Variants in DNAH11 observed in about 807,000 individuals in gnomAD.
DNAH11 encodes dynein axonemal heavy chain 11, also known as axonemal beta dynein heavy chain 11.
In DNAH11, 442 loss-of-function variants were observed where a neutral mutation model predicts 526.0. The ratio of observed to expected loss-of-function variants is 0.84; its 90% CI spans 0.78 to 0.91. The LOEUF (loss-of-function observed/expected upper bound fraction) is 0.91. Among genes scored for constraint, DNAH11 ranks in the 40% least tolerant of loss-of-function variants. DNAH11 has a pLI of 0.00. For synonymous variants in DNAH11, 2,461 were observed against 1,935.9 expected (o/e 1.27, Z -7.12); for missense variants, 6,989 against 5,448.7 (o/e 1.28, Z -8.90).
In DNAH11 at chr7:21,861,885, G is replaced by A; in HGVS notation, c.11235G>A (p.Glu3745=). 6.2e-7 allele frequency: 1 copy of A among 1,613,378 alleles called. No homozygotes were observed. The highest frequency in any genetic ancestry group is 1.3e-5 in the African/African-American group (1 of 75,006). Residue 3745 remains glutamate, a synonymous_variant, in exon 69 of 82, where the codon GAG becomes GAA. Coordinates refer to ENST00000409508, the MANE Select transcript of DNAH11 (RefSeq NM_001277115.2). ...AFNVLFHRAI[E]QADKVEDMQG... ...ACGTGCTGTTCCACAGAGCGATCGA[G>A]CAGGCTGACAAGGTGGAAGACATGC... is the stretch of plus-strand genomic sequence containing the variant.
chr7:21,829,579 G>A (rs1180951158), intron 65 of DNAH11, among the ~76,000 whole-genome samples: 3 of 152,114 alleles, frequency 2.0e-5, no homozygotes, highest in African/African-American at 7.2e-5. Flanking sequence ...GTTTTAGATG[G>A]CAATGGAAAA....
chr7:21,822,395 A>G (rs62447216), intron 65 of DNAH11, among the ~76,000 whole-genome samples: 3,028 of 152,206 alleles, frequency 0.02, 43 homozygotes, highest in Non-Finnish European at 0.03. Flanking sequence ...GGGAGGGAGG[A>G]CACCAAGCCA....
intron 55 of DNAH11, among the ~76,000 whole-genome samples, chr7:21,768,227 C>T (rs1273943865): frequency 1.3e-5 from 2 of 152,072 alleles, no homozygotes; most frequent in African/African-American, 2.4e-5. Context: ...GAAGGAAAAG[C>T]CATCTGGGTA....
intron 44 of DNAH11, among the ~76,000 whole-genome samples, chr7:21,721,231 G>A (rs995220777): frequency 2.0e-4 from 30 of 152,120 alleles, no homozygotes; most frequent in African/African-American, 6.5e-4. Flanking sequence ...CTTTTGCTCA[G>A]TGGTACATTC....
intron 35 of DNAH11, among the ~76,000 whole-genome samples, chr7:21,696,301 T>C (rs928263334): frequency 5.9e-5 from 9 of 152,214 alleles, no homozygotes; most frequent in African/African-American, 1.7e-4. Context: ...ACTGTTCTTA[T>C]TAAATTTAAT....
chr7:21,613,369 A>G (rs958573118), intron 20 of DNAH11, among the ~76,000 whole-genome samples: 8 of 152,186 alleles, frequency 5.3e-5, no homozygotes, highest in Non-Finnish European at 1.0e-4. Flanking sequence ...GGATGAAATT[A>G]AGAAAAGGCA....
chr7:21,852,844 T>A (rs572308987), intron 67 of DNAH11, among the ~76,000 whole-genome samples: 103 of 152,306 alleles, frequency 6.8e-4, no homozygotes, highest in African/African-American at 2.2e-3. Flanking sequence ...GAGATGTCAT[T>A]CAAATTAGAC....
At chr7:21,693,676 G>T (rs932607344) in intron 35 of DNAH11, among the ~76,000 whole-genome samples, 2 of 151,774 alleles carry the variant, frequency 1.3e-5, no homozygotes, top group African/African-American at 4.8e-5. Flanking sequence ...TTTTTTTATT[G>T]ATTTGATTTT....
intron 63 of DNAH11, among the ~76,000 whole-genome samples, chr7:21,811,891 A>G (rs1789537531): frequency 6.6e-6 from 1 of 152,196 alleles, no homozygotes; most frequent in African/African-American, 2.4e-5. Context: ...AAATAATTTC[A>G]GATTGTTACA....
In DNAH11 at chr7:21,873,135, T is replaced by G. The variant is rs962482355; in HGVS notation, c.11968-139T>G. ...ATTGATGTATTGATAAAGGAAAATT[T>G]TTATGATGTATTGATAAAGGAAAAT... is the stretch of plus-strand genomic sequence containing the variant. On this transcript the variant is annotated intron_variant, in intron 73 of 81. Transcript: ENST00000409508. 8.6e-5 allele frequency: 67 copies of G among 775,826 alleles called. 1 individual carries two copies. In the East Asian group the frequency reaches 1.2e-3, roughly 14 times the overall value. 48.1% of individuals were successfully genotyped at this position (775,826 alleles called of 1,614,324 possible). A position where few individuals can be genotyped will look rare whatever the true frequency, so the allele number is the denominator to read the frequency against.
intron 29 of DNAH11, among the ~76,000 whole-genome samples, chr7:21,656,682 A>C (rs1322297795): frequency 1.3e-5 from 2 of 152,138 alleles, no homozygotes; most frequent in Non-Finnish European, 2.9e-5. Flanking sequence ...TAACTGATGG[A>C]ATAGTGTCTA....
At chr7:21,761,035 T>C (rs897908218) in intron 54 of DNAH11, among the ~76,000 whole-genome samples, 15 of 152,246 alleles carry the variant, frequency 9.9e-5, no homozygotes, top group Admixed American at 1.3e-4. Flanking sequence ...GAATGATTTT[T>C]CCCTCACAGT....
chr7:21,639,039 C>A lies in DNAH11; in HGVS notation c.4918C>A (p.Leu1640Ile). The change falls in exon 28 of 82, where the codon CTC (leucine) becomes ATC (isoleucine). Residue 1640 changes from leucine (L) to isoleucine (I), a missense_variant. By Grantham distance (5) the Leu-to-Ile change is conservative. Coordinates refer to ENST00000409508, the MANE Select transcript of DNAH11 (RefSeq NM_001277115.2). Reference sequence around the variant, plus strand: ...CTCTTCTGCTGATTTACTTGACATTCTCTCAAAAGGAGCTCAGCCTAAACA... The same window carrying A: ...CTCTTCTGCTGATTTACTTGACATTATCTCAAAAGGAGCTCAGCCTAAACA... ...FVSSADLLDI[L>I]SKGAQPKQVT... The A allele has an allele frequency of 6.2e-7, 1 of 1,613,584 alleles. No homozygotes were observed. The highest frequency in any genetic ancestry group is 8.5e-7 in the Non-Finnish European group (1 of 1,179,672).
Position 21,606,632 on chromosome 7 carries a change from T to TTTTTCAA in DNAH11, c.3766-12_3766-11insTCAATTT. The stretch of plus-strand genomic sequence containing the variant: ...GAAATTCACTTTTTTTTTTTTTTTT[T>TTTTTCAA]TTTGCAATGATCAGGCAAAGCAGGC... On this transcript the variant is annotated splice_polypyrimidine_tract_variant and intron_variant, in intron 19 of 81. Transcript: ENST00000409508. 1.3e-6 allele frequency: 2 copies of TTTTTCAA among 1,536,288 alleles called. No homozygotes were observed. Among genetic ancestry groups the TTTTTCAA allele is most frequent in the Non-Finnish European group, 1.7e-6 (2 of 1,148,934 alleles).
intron 38 of DNAH11, among the ~76,000 whole-genome samples, chr7:21,704,881 A>G (rs993673671): frequency 1.3e-5 from 2 of 152,234 alleles, no homozygotes; most frequent in African/African-American, 4.8e-5. Context: ...ATTAGGTTAC[A>G]AAACTTGTTG....
At chr7:21,601,965 T>A (rs988802992) in intron 18 of DNAH11, among the ~76,000 whole-genome samples, 1 of 152,082 alleles carries the variant, frequency 6.6e-6, no homozygotes, top group Admixed American at 6.5e-5. Context: ...AATATATCCA[T>A]ACTTTTTTTT....
intron 63 of DNAH11, among the ~76,000 whole-genome samples, chr7:21,812,887 G>A (rs1280838183): frequency 6.6e-6 from 1 of 152,172 alleles, no homozygotes; most frequent in African/African-American, 2.4e-5. Flanking sequence ...CATAAGTCCA[G>A]TATCCAGCCT....
chr7:21,813,956 T>A (rs1366382518), intron 63 of DNAH11, among the ~76,000 whole-genome samples: 1 of 152,214 alleles, frequency 6.6e-6, no homozygotes. Context: ...GGGGATATGT[T>A]CTGAGAAATG....
At chr7:21,854,540 A>C in intron 68 of DNAH11, 85 bp downstream of exon 68, 2 of 1,321,440 alleles carry the variant, frequency 1.5e-6, no homozygotes, top group Non-Finnish European at 2.1e-6. Flanking sequence ...TATTATTGAT[A>C]ATAATAATAA....
Sources: gnomAD v4.1 joint callset for allele counts (sites outside exome capture counted in the v4.1 genomes callset) on GRCh38, gnomAD v4.1.1 for gene constraint, MANE v1.5 for transcripts, NCBI Gene and HGNC (gene_info 2026-07-23, HGNC 2026-07-21) for gene names.